The following PCDHGA2 variants were observed in gnomAD, a reference collection of about 807,000 sequenced individuals.
The protein encoded by PCDHGA2 is protocadherin gamma-A2.
A neutral mutation model predicts 59.2 loss-of-function variants in PCDHGA2; 40 were observed. The ratio of observed to expected loss-of-function variants is 0.68; its 90% CI spans 0.52 to 0.88. The LOEUF (loss-of-function observed/expected upper bound fraction) is 0.88. Among genes scored for constraint, PCDHGA2 ranks in the 40% least tolerant of loss-of-function variants. PCDHGA2 has a pLI of 0.00. For synonymous variants in PCDHGA2, 560 were observed against 526.0 expected, an observed-to-expected ratio of 1.06 and a Z score of -0.89; for missense variants, 1,226 against 1,204.0, an observed-to-expected ratio of 1.02 and a Z score of -0.27.
At chr5:141,403,281 T>A in intron 1 of PCDHGA2, 1 of 1,613,908 alleles carries the variant, frequency 6.2e-7, no homozygotes, top group Non-Finnish European at 8.5e-7. Context: ...AAAGTCCTGG[T>A]TGAAGACAGA....
intron 1 of PCDHGA2, chr5:141,407,978 A>ATCCGTCAGCCTCTGGCCTGGGAT (rs2095018425): frequency 2.7e-6 from 2 of 743,974 alleles, no homozygotes; most frequent in Non-Finnish European, 4.1e-6. Context: ...GACGCCGGGG[A>ATCCGTCAGCCTCTGGCCTGGGAT]TCCGTCAGCC....
intron 1 of PCDHGA2, among the ~76,000 whole-genome samples, chr5:141,460,407 TTG>T: frequency 6.6e-6 from 1 of 152,188 alleles, no homozygotes; most frequent in Non-Finnish European, 1.5e-5. Flanking sequence ...TCCTTTTGAG[TTG>T]ATGTTTATGT....
At chr5:141,402,433 A>C (rs1331958085) in intron 1 of PCDHGA2, among the ~76,000 whole-genome samples, 1 of 152,146 alleles carries the variant, frequency 6.6e-6, no homozygotes, top group Non-Finnish European at 1.5e-5. Context: ...GAAGCATCAT[A>C]AAAAGGAAAT....
At chr5:141,393,348 T>A in intron 1 of PCDHGA2, 1 of 1,613,848 alleles carries the variant, frequency 6.2e-7, no homozygotes, top group Non-Finnish European at 8.5e-7. Flanking sequence ...TCACCACTTC[T>A]CCCTGGACGT....
chr5:141,419,845 G>A, intron 1 of PCDHGA2: 3 of 1,614,064 alleles, frequency 1.9e-6, no homozygotes, highest in Non-Finnish European at 2.5e-6. Context: ...CGCTGCACCT[G>A]GTGTTCGCAG....
chr5:141,344,177 C>A, intron 1 of PCDHGA2: 1 of 1,614,030 alleles, frequency 6.2e-7, no homozygotes, highest in Non-Finnish European at 8.5e-7. Context: ...TGGGCAACAT[C>A]GCTAACGACC....
rs1408870380 is a variant in PCDHGA2, at chr5:141,340,896, T to A, written c.1925T>A (p.Leu642His). The A allele has an allele frequency of 6.2e-6, 10 of 1,613,616 alleles. No homozygotes were observed. Among genetic ancestry groups the A allele is most frequent in the Non-Finnish European group, 8.5e-6 (10 of 1,179,906 alleles). ...LLDRDALKQS[L>H]VVAIQDHGQP... ...GACAGAGACGCGCTCAAGCAGAGCC[T>A]CGTGGTGGCCATCCAGGACCACGGC... Residue 642 changes from leucine to histidine, a missense_variant, in exon 1 of 4, where the codon CTC becomes CAC. By Grantham distance (99) the Leu-to-His change is moderately conservative. Coordinates refer to ENST00000394576, the MANE Select transcript of PCDHGA2 (RefSeq NM_018915.4).
chr5:141,451,237 A>G (rs1405567593), intron 1 of PCDHGA2, among the ~76,000 whole-genome samples: 1 of 152,198 alleles, frequency 6.6e-6, no homozygotes, highest in Non-Finnish European at 1.5e-5. Context: ...TTATTATCTC[A>G]TAAATTTTGT....
At chr5:141,414,231 C>T (rs2095722548) in intron 1 of PCDHGA2, 1 of 1,613,304 alleles carries the variant, frequency 6.2e-7, no homozygotes, top group South Asian at 1.1e-5. Flanking sequence ...CAGAGCTGAC[C>T]ATCACGTCTC....
intron 1 of PCDHGA2, among the ~76,000 whole-genome samples, chr5:141,439,398 T>C (rs2098110369): frequency 6.6e-6 from 1 of 152,212 alleles, no homozygotes; most frequent in Admixed American, 6.5e-5. Context: ...TTCGACTTCA[T>C]GTGCTAACAT....
Position 141,486,954 on chromosome 5 carries a change from C to T in PCDHGA2, c.2425-7853C>T, listed in dbSNP as rs764632268. 3.7e-6 allele frequency: 6 copies of T among 1,614,114 alleles called. 1 individual carries two copies. The South Asian group carries it at 6.6e-5, about 18-fold the overall frequency. On this transcript the variant is annotated intron_variant, in intron 1 of 3. Coordinates refer to ENST00000394576, the MANE Select transcript of PCDHGA2 (RefSeq NM_018915.4). The surrounding 1 kb of genome is among the most constrained non-coding windows in gnomAD (Gnocchi z 5.0). ...GCTGGCCACCTAATCACAAAGGTGA[C>T]TGCTGTGGACTTGGATTCAGGTTAC...
intron 1 of PCDHGA2, chr5:141,409,177 T>C: frequency 3.1e-6 from 5 of 1,613,944 alleles, no homozygotes; most frequent in Non-Finnish European, 4.2e-6. Context: ...AGGACGGAGG[T>C]GGTCTCTCTA....
intron 1 of PCDHGA2, chr5:141,350,625 A>G: frequency 1.2e-6 from 2 of 1,614,072 alleles, no homozygotes; most frequent in African/African-American, 1.3e-5. Context: ...GTAATCCAAG[A>G]TATTAATGAC....
At chr5:141,418,341 A>G (rs1407312724) in intron 1 of PCDHGA2, 1 of 1,614,006 alleles carries the variant, frequency 6.2e-7, no homozygotes, top group South Asian at 1.1e-5. Context: ...GAAGATCCTG[A>G]TATTAGTATG....
chr5:141,416,650 A>G (rs935670434), intron 1 of PCDHGA2: 2 of 152,238 alleles, frequency 1.3e-5, no homozygotes, highest in Admixed American at 6.5e-5. Context: ...CCACAGCTGT[A>G]AAAAAGAAAA....
In PCDHGA2 at chr5:141,462,417, A is replaced by G. The variant is rs184240612; in HGVS notation, c.2425-32390A>G. 4.0e-4 allele frequency among the ~76,000 whole-genome samples: 61 copies of G among 152,300 alleles called. 1 individual carries two copies. The highest frequency in any genetic ancestry group is 3.2e-3 in the Admixed American group (49 of 15,300). ...TCTTTTATGGCACAGAATATGGTCT[A>G]TCTTGGTGAGTGTTGCTTACACACA... On this transcript the variant is annotated intron_variant, in intron 1 of 3. Transcript: ENST00000394576.
intron 1 of PCDHGA2, among the ~76,000 whole-genome samples, chr5:141,435,715 A>T (rs528951395): frequency 5.9e-5 from 9 of 152,210 alleles, no homozygotes; most frequent in Non-Finnish European, 1.0e-4. Context: ...ACAGACACTG[A>T]ATGCTAAAGT....
chr5:141,384,576 G>GCCCGAGAT (rs1429173266), intron 1 of PCDHGA2: 3 of 1,614,060 alleles, frequency 1.9e-6, no homozygotes, highest in Non-Finnish European at 2.5e-6. Context: ...ATGACAACCC[G>GCCCGAGAT]CCCGAGATCC....
intron 1 of PCDHGA2, among the ~76,000 whole-genome samples, chr5:141,452,019 C>T (rs1227308101): frequency 3.3e-5 from 5 of 152,194 alleles, no homozygotes; most frequent in African/African-American, 1.2e-4. Flanking sequence ...AGCCCACACT[C>T]TGGGGAGATG....
Sources: allele counts gnomAD v4.1 joint callset (sites outside exome capture counted in the v4.1 genomes callset), GRCh38; gene constraint gnomAD v4.1.1; non-coding constraint Gnocchi (gnomAD v3.1); transcripts MANE v1.5; gene names NCBI Gene and HGNC (gene_info 2026-07-23, HGNC 2026-07-21).